PLCZ1: variants seen among roughly 807,000 people sequenced by gnomAD.
PLCZ1 encodes the protein phospholipase C zeta 1.
A neutral mutation model predicts 76.8 loss-of-function variants in PLCZ1; 64 were observed. The observed-to-expected ratio is 0.83, with a 90% CI of 0.68 to 1.03. PLCZ1 has a LOEUF of 1.03. Among genes scored for constraint, PLCZ1 ranks in the 50% least tolerant of loss-of-function variants. The pLI is 0.00. For synonymous variants in PLCZ1, 248 were observed against 230.8 expected (o/e 1.07, Z -0.68); for missense variants, 751 against 713.7 (o/e 1.05, Z -0.60).
chr12:18,684,121 G>A lies in PLCZ1; in HGVS notation c.1741+9C>T, dbSNP rs766417341. 47 of 1,610,378 alleles carry A rather than the reference G, an allele frequency of 2.9e-5. No individual in the cohort carries two copies. Among genetic ancestry groups the A allele is most frequent in the Non-Finnish European group, 3.7e-5 (43 of 1,178,070 alleles). ...GCTGGTACAATCATCTAACTTTTAG[G>A]GACATTACCTTTGTTCATGCATAGA... On this transcript the variant is annotated intron_variant, in intron 14 of 14. Transcript: ENST00000266505.
At chr12:18,654,924 A>G in the PLCZ1 span, among the ~76,000 whole-genome samples, 2 of 152,146 alleles carry the variant, frequency 1.3e-5, no homozygotes. Context: ...GAAAAAGAAA[A>G]AAGACACTTA....
At chr12:18,675,654 G>A in the PLCZ1 span, among the ~76,000 whole-genome samples, 1 of 152,062 alleles carries the variant, frequency 6.6e-6, no homozygotes, top group Admixed American at 6.6e-5. Context: ...TAAATAAAAT[G>A]TGATATATAT....
chr12:18,699,207 C>T (rs1317957417), intron 10 of PLCZ1, among the ~76,000 whole-genome samples: 4 of 152,162 alleles, frequency 2.6e-5, no homozygotes, highest in East Asian at 1.9e-4. Context: ...CCAGCCTGGG[C>T]GCCATTTCTT....
intron 12 of PLCZ1, chr12:18,693,581 G>C: frequency 1.3e-6 from 2 of 1,594,094 alleles, no homozygotes; most frequent in South Asian, 2.2e-5. Context: ...ACTCGGACGG[G>C]AATTGTTTCG....
chr12:18,652,505 A>G, the PLCZ1 span, among the ~76,000 whole-genome samples: 7 of 152,228 alleles, frequency 4.6e-5, no homozygotes, highest in East Asian at 3.9e-4. Flanking sequence ...GCTGTGGGGG[A>G]AAAATACTGT....
the PLCZ1 span, among the ~76,000 whole-genome samples, chr12:18,658,458 C>T: frequency 6.6e-6 from 1 of 152,056 alleles, no homozygotes; most frequent in Admixed American, 6.6e-5. Flanking sequence ...AGTCATTATG[C>T]ACAAGAAATC....
intron 12 of PLCZ1, chr12:18,693,287 G>A: frequency 6.6e-7 from 1 of 1,519,326 alleles, no homozygotes; most frequent in Non-Finnish European, 9.1e-7. Context: ...TGGATCCCCT[G>A]GTCACAGTGA....
At chr12:18,650,722 A>ATC in the PLCZ1 span, among the ~76,000 whole-genome samples, 3 of 16,580 alleles carry the variant, frequency 1.8e-4, no homozygotes, top group South Asian at 1.9e-3. Context: ...CTATATATAT[A>ATC]TATATATATA....
intron 12 of PLCZ1, among the ~76,000 whole-genome samples, chr12:18,688,514 T>C (rs886258258): frequency 6.6e-6 from 1 of 151,886 alleles, no homozygotes; most frequent in African/African-American, 2.4e-5. Context: ...TTCAGGGAAT[T>C]CAGGTCGAGT....
chr12:18,654,276 A>G, the PLCZ1 span, among the ~76,000 whole-genome samples: 1 of 135,450 alleles, frequency 7.4e-6, no homozygotes, highest in South Asian at 2.5e-4. Context: ...TGCCATTTCC[A>G]AAAGAAACAC....
At chr12:18,700,812 A>G (rs1955792166) in intron 9 of PLCZ1, among the ~76,000 whole-genome samples, 1 of 152,020 alleles carries the variant, frequency 6.6e-6, no homozygotes. Context: ...AACCTAATAT[A>G]CTTTCTTTCA....
At chr12:18,696,847 G>C (rs4489804) in intron 10 of PLCZ1, among the ~76,000 whole-genome samples, 73,097 of 151,844 alleles carry the variant, frequency 0.48, 18,696 homozygotes, top group African/African-American at 0.65. Context: ...GTGTTTACAT[G>C]TCTCCATTGA....
At chr12:18,711,060 T>C (rs1565709588) in intron 6 of PLCZ1, among the ~76,000 whole-genome samples, 1 of 152,198 alleles carries the variant, frequency 6.6e-6, no homozygotes, top group East Asian at 1.9e-4. Flanking sequence ...CTATAAATCA[T>C]GCTGCTATAA....
At chr12:18,708,825 C>G (rs1298230750) in intron 6 of PLCZ1, among the ~76,000 whole-genome samples, 2 of 151,984 alleles carry the variant, frequency 1.3e-5, no homozygotes, top group Non-Finnish European at 2.9e-5. Context: ...GGAGAAATGC[C>G]TATTCAGGTT....
intron 3 of PLCZ1, among the ~76,000 whole-genome samples, chr12:18,731,931 T>C (rs1211349416): frequency 6.6e-6 from 1 of 152,172 alleles, no homozygotes; most frequent in African/African-American, 2.4e-5. Context: ...AATTTTTGGA[T>C]GATTTTCTTT....
At chr12:18,734,716 G>A (rs905512851) in intron 3 of PLCZ1, among the ~76,000 whole-genome samples, 3 of 152,192 alleles carry the variant, frequency 2.0e-5, no homozygotes, top group African/African-American at 7.2e-5. Flanking sequence ...TCAGTGAATA[G>A]AGATAATTTT....
intron 3 of PLCZ1, among the ~76,000 whole-genome samples, chr12:18,727,666 A>G (rs1255084032): frequency 6.6e-6 from 1 of 152,200 alleles, no homozygotes. Flanking sequence ...CGGAAGCCAC[A>G]GTGAGAAATT....
intron 6 of PLCZ1, among the ~76,000 whole-genome samples, chr12:18,710,213 T>A (rs1017631931): frequency 6.7e-6 from 1 of 149,582 alleles, no homozygotes; most frequent in Admixed American, 6.8e-5. Context: ...TCTTAGAAGC[T>A]GTAGGCTTTT....
chr12:18,685,789 G>A (rs1461602741), intron 13 of PLCZ1: 1 of 350,244 alleles, frequency 2.9e-6, no homozygotes, highest in East Asian at 7.4e-5. Flanking sequence ...TTACACATGT[G>A]CCTCTGCCTC....
Sources: gnomAD v4.1 joint callset for allele counts (sites outside exome capture counted in the v4.1 genomes callset) on GRCh38, gnomAD v4.1.1 for gene constraint, MANE v1.5 for transcripts, NCBI Gene and HGNC (gene_info 2026-07-23, HGNC 2026-07-21) for gene names.